Variants in TPSG1 observed in about 807,000 individuals in gnomAD.
TPSG1 encodes the protein tryptase gamma 1, also known as tryptase gamma.
A neutral mutation model predicts 23.8 loss-of-function variants in TPSG1; 43 were observed. The ratio of observed to expected loss-of-function variants is 1.81; its 90% CI spans 1.42 to 2.33. The LOEUF is 2.33. TPSG1 is among the 30% of genes most tolerant of loss of function. The pLI, the probability that TPSG1 is intolerant of heterozygous loss-of-function variation, is 0.00. For missense variants in TPSG1, 623 were observed against 438.6 expected (o/e 1.42, Z -3.75); for synonymous variants, 302 against 201.3 (o/e 1.50, Z -4.23).
rs1596487429 is a variant in TPSG1, at chr16:1,223,697, C to T, written c.74-103G>A. 1.1e-5 allele frequency: 15 copies of T among 1,360,418 alleles called. No individual in the cohort carries two copies. The East Asian group carries it at 1.3e-4, about 12-fold the overall frequency. The allele number at this position is 1,360,418 out of a possible 1,614,324, so 84.3% of individuals were successfully genotyped here. A position where few individuals can be genotyped will look rare whatever the true frequency, so the allele number is the denominator to read the frequency against. On this transcript the variant is annotated intron_variant, in intron 2 of 5. Coordinates refer to ENST00000234798, the MANE Select transcript of TPSG1 (RefSeq NM_012467.4). ...CCACACCTCCCTGCCTTCTTGGGGA[C>T]TTTGCTCTTCAGCTCTCTCGTCTGC...
In TPSG1 at chr16:1,222,255, C is replaced by T. The variant is rs757789922; in HGVS notation, c.598G>A (p.Gly200Arg). ...ATGTCGGGCTGAAGGATGCTGCCCC[C>T]GGGGCCGGGATAGTCCCGGCGGCAG... ...ETCRRDYPGP[G>R]GSILQPDMLC... Residue 200 changes from glycine to arginine, a missense_variant, in exon 5 of 6, where the codon GGG (glycine) becomes AGG (arginine). By Grantham distance (125) the Gly-to-Arg change is moderately radical. Coordinates refer to ENST00000234798, the MANE Select transcript of TPSG1 (RefSeq NM_012467.4). 6.8e-6 allele frequency: 11 copies of T among 1,611,990 alleles called. No homozygotes were observed. The highest frequency in any genetic ancestry group is 5.3e-5 in the African/African-American group (4 of 74,894).
At chr16:1,223,837 G>A in intron 2 of TPSG1, 1 of 526,782 alleles carries the variant, frequency 1.9e-6, no homozygotes, top group Non-Finnish European at 3.3e-6. Flanking sequence ...ACTAACCAGG[G>A]CTCCCGGAGG....
chr16:1,224,548 C>G, intron 2 of TPSG1, 54 bp downstream of exon 2: 1 of 1,611,260 alleles, frequency 6.2e-7, no homozygotes, highest in Non-Finnish European at 8.5e-7. Context: ...CGAGGCCCTC[C>G]TGCCAGGCCT....
At chr16:1,223,718 T>A in intron 2 of TPSG1, 124 bp from the exon 3 acceptor site, 1 of 1,146,152 alleles carries the variant, frequency 8.7e-7, no homozygotes, top group Non-Finnish European at 1.2e-6. Context: ...AGCTCTCTCG[T>A]CTGCCAGACT....
rs1262640021 is a variant in TPSG1, at chr16:1,221,811, T to C, written c.943A>G (p.Thr315Ala). 2 of 1,607,726 alleles carry C rather than the reference T, an allele frequency of 1.2e-6. No homozygotes were observed. Among genetic ancestry groups the C allele is most frequent in the Middle Eastern group, 1.7e-4 (1 of 6,030 alleles). Residue 315 changes from threonine (T) to alanine (A), a missense_variant, in exon 6 of 6, where the codon ACT becomes GCT. Thr to Ala is a moderately conservative substitution (Grantham distance 58). Coordinates refer to ENST00000234798, the MANE Select transcript of TPSG1 (RefSeq NM_012467.4). The stretch of plus-strand genomic sequence containing the variant: ...CATCAGTCAGGGGCGGGGAAGGGAG[T>C]ACCATCCGCAGATGGGTGCAGCAGG... ...KCLLHPSADG[T>A]PFPAPD
Position 1,221,722 on chromosome 16 carries a change from G to A in TPSG1, c.*66C>T, listed in dbSNP as rs1004683597. On this transcript the variant is annotated 3_prime_UTR_variant, in exon 6 of 6. Transcript: ENST00000234798. ...GATGCAGAAGACTCAGCTTCTCAAG[G>A]GAGAGGGAGGGGGCGGAGCGGAATA... The A allele has an allele frequency of 3.6e-5, 51 of 1,430,330 alleles. No individual in the cohort carries two copies. Among genetic ancestry groups the A allele is most frequent in the Admixed American group, 7.5e-5 (3 of 40,196 alleles). 88.6% of individuals were successfully genotyped at this position (1,430,330 alleles called of 1,614,324 possible). A position where few individuals can be genotyped will look rare whatever the true frequency, so the allele number is the denominator to read the frequency against.
Position 1,223,507 on chromosome 16 carries a change from CTGGCCTGCCATGGCCA to C in TPSG1, c.145_160del (p.Trp49AlafsTer31). The C allele has an allele frequency of 6.4e-7, 1 of 1,566,892 alleles. No homozygotes were observed. The highest frequency in any genetic ancestry group is 1.9e-5 in the Admixed American group (1 of 53,534). On this transcript the variant is annotated frameshift_variant, in exon 3 of 6. Transcript: ENST00000234798. LOFTEE classifies it high-confidence loss of function. ...CACGTGCACCCTCCGCAGGCGGAGG[CTGGCCTGCCATGGCCA>C]TGCGCCGGCCGGGGCAGCGTGACCC... is the stretch of plus-strand genomic sequence containing the variant.
intron 2 of TPSG1, 32 bp downstream of exon 2, chr16:1,224,565 CACCCT>C: frequency 6.2e-7 from 1 of 1,613,042 alleles, no homozygotes; most frequent in Non-Finnish European, 8.5e-7. Context: ...GCCTTGCCTG[CACCCT>C]CCCCCACACC....
chr16:1,222,884 C>T lies in TPSG1; in HGVS notation c.279G>A (p.Leu93=). The change falls in exon 4 of 6, where the codon CTG becomes CTA. Residue 93 remains leucine (L), a synonymous_variant. Transcript: ENST00000234798. ...GAGACAGAGTGATCTCCAGTTCCCC[C>T]AGGTGCACCTGGTAGTCGGATGAGT... ...SLNSSDYQVH[L]GELEITLSPH... is the part of the protein sequence containing the mutation. 1.2e-6 allele frequency: 2 copies of T among 1,608,976 alleles called. No homozygotes were observed. Among genetic ancestry groups the T allele is most frequent in the Non-Finnish European group, 1.7e-6 (2 of 1,178,386 alleles).
chr16:1,224,910 G>A (rs531476452), intron 1 of TPSG1: 3 of 593,762 alleles, frequency 5.1e-6, no homozygotes, highest in Admixed American at 3.0e-5. Flanking sequence ...AATCACCAGT[G>A]TTCTAGGGCC....
At chr16:1,222,161 C>T (rs745652749) in intron 5 of TPSG1, 35 bp downstream of exon 5, 35 of 1,611,376 alleles carry the variant, frequency 2.2e-5, no homozygotes, top group South Asian at 8.8e-5. Context: ...GGGCTTCAGC[C>T]GCCCCCATCC....
chr16:1,221,927 T>G lies in TPSG1; in HGVS notation c.827A>C (p.Glu276Ala), dbSNP rs1256206709. The G allele has an allele frequency of 1.9e-6, 3 of 1,611,478 alleles. No individual in the cohort carries two copies. The African/African-American group carries it at 4.0e-5, about 22-fold the overall frequency. ...GAGGGGGAGCCTGGGGTACCCAGAC[T>G]CTGAGCCCCCTGATGCTGTGATGTG... ...RRHITASGGS[E>A]SGYPRLPLLA... is the part of the protein sequence containing the mutation. Residue 276 changes from glutamate (E) to alanine (A), a missense_variant, in exon 6 of 6, where the codon GAG (glutamate) becomes GCG (alanine). Glu to Ala is a moderately radical substitution (Grantham distance 107, BLOSUM62 -1). Coordinates refer to ENST00000234798, the MANE Select transcript of TPSG1 (RefSeq NM_012467.4).
chr16:1,221,824 T>C lies in TPSG1; in HGVS notation c.930A>G (p.Pro310=). The C allele has an allele frequency of 2.5e-6, 4 of 1,610,516 alleles. No individual in the cohort carries two copies. The highest frequency in any genetic ancestry group is 3.4e-6 in the Non-Finnish European group (4 of 1,178,508). ...CGGGGAAGGGAGTACCATCCGCAGA[T>C]GGGTGCAGCAGGCACTTGGCCAGCA... is the stretch of plus-strand genomic sequence containing the variant. ...CVLLAKCLLH[P]SADGTPFPAP... Residue 310 remains proline (P), a synonymous_variant, in exon 6 of 6, where the codon CCA becomes CCG. Transcript: ENST00000234798.
In TPSG1 at chr16:1,221,962, C is replaced by T. The variant is rs1473022675; in HGVS notation, c.792G>A (p.Trp264Ter). 11 of 1,612,108 alleles carry T rather than the reference C, an allele frequency of 6.8e-6. No individual in the cohort carries two copies. Among genetic ancestry groups the T allele is most frequent in the Non-Finnish European group, 8.5e-6 (10 of 1,179,606 alleles). ...CTGATGCTGTGATGTGGCGGCGGATCCAGTTCACGTAGGCAGGGACACGAG... is the reference window on the plus strand; with the variant it reads ...CTGATGCTGTGATGTGGCGGCGGATTCAGTTCACGTAGGCAGGGACACGAG... Reference protein sequence around the residue: ...VYTRVPAYVNWIRRHITASGG... With the variant: ...VYTRVPAYVN The change falls in exon 6 of 6, where the codon TGG becomes TGA. Residue 264 changes from tryptophan (W) to a stop codon, truncating the protein, a stop_gained. Transcript: ENST00000234798. LOFTEE classifies it low-confidence loss of function (END_TRUNC).
chr16:1,224,574 C>G (rs549078238), intron 2 of TPSG1, 28 bp downstream of exon 2: 1 of 1,613,546 alleles, frequency 6.2e-7, no homozygotes, highest in Admixed American at 1.7e-5. Context: ...GCACCCTCCC[C>G]CACACCCCAC....
chr16:1,223,295 T>C lies in TPSG1; in HGVS notation c.245+128A>G, dbSNP rs1047422549. The C allele has an allele frequency of 3.0e-5, 37 of 1,233,838 alleles. No individual in the cohort carries two copies. In the East Asian group the frequency reaches 6.6e-4, roughly 22 times the overall value. The allele number at this position is 1,233,838 out of a possible 1,614,324, so 76.4% of individuals were successfully genotyped here. A position where few individuals can be genotyped will look rare whatever the true frequency, so the allele number is the denominator to read the frequency against. ...TGGGCAACCAGCTCCTCCCTTTCCA[T>C]TGGAAGGAAGTAGGCTCAGAGTTCC... On this transcript the variant is annotated intron_variant, in intron 3 of 5. Transcript: ENST00000234798.
intron 2 of TPSG1, 88 bp from the exon 3 acceptor site, chr16:1,223,682 C>G: frequency 6.9e-7 from 1 of 1,442,886 alleles, no homozygotes; most frequent in South Asian, 1.3e-5. Context: ...CCACACCTCC[C>G]TGCCTTCTTG....
chr16:1,223,945 T>G, intron 2 of TPSG1: 2 of 296,272 alleles, frequency 6.8e-6, no homozygotes, highest in South Asian at 5.4e-5. Context: ...GGCTGCCTAG[T>G]GGGCCCCGGT....
rs942796864 is a variant in TPSG1, at chr16:1,223,624, G to A, written c.74-30C>T. 10 of 1,526,970 alleles carry A rather than the reference G, an allele frequency of 6.5e-6. No homozygotes were observed. In the African/African-American group the frequency reaches 1.3e-4, roughly 19 times the overall value. 94.6% of individuals were successfully genotyped at this position (1,526,970 alleles called of 1,614,324 possible). On this transcript the variant is annotated intron_variant, in intron 2 of 5. Transcript: ENST00000234798. Reference sequence around the variant, plus strand: ...GTCGAAGGAGGAAGGGGTGCCTGGTGGGGATCCCAAGAAACCCACTGCACT... The same window carrying A: ...GTCGAAGGAGGAAGGGGTGCCTGGTAGGGATCCCAAGAAACCCACTGCACT...
Sources: gnomAD v4.1 joint callset for allele counts on GRCh38, gnomAD v4.1.1 for gene constraint, MANE v1.5 for transcripts, NCBI Gene and HGNC (gene_info 2026-07-23, HGNC 2026-07-21) for gene names.